The following CADM2 variants were observed in gnomAD, a reference collection of about 807,000 sequenced individuals.
CADM2 encodes cell adhesion molecule 2, also known as immunoglobulin superfamily member 4D.
CADM2 carries 12 observed loss-of-function variants against 49.8 expected under a neutral mutation model. The observed-to-expected ratio is 0.24, with a 90% CI of 0.15 to 0.39. CADM2 has a LOEUF of 0.39. Among genes scored for constraint, CADM2 ranks in the 10% least tolerant of loss-of-function variants. CADM2 has a pLI of 1.00. For missense variants in CADM2, 378 were observed against 492.3 expected (o/e 0.77, Z 2.20); for synonymous variants, 214 against 175.4 (o/e 1.22, Z -1.74).
intron 3 of CADM2, among the ~76,000 whole-genome samples, chr3:85,817,438 C>T (rs565528088): frequency 1.4e-5 from 2 of 141,336 alleles, no homozygotes; most frequent in African/African-American, 5.3e-5. Flanking sequence ...AAACTGCACT[C>T]AGTGAGATTG....
chr3:85,171,621 A>G (rs1412236347), intron 1 of CADM2, among the ~76,000 whole-genome samples: 1 of 152,200 alleles, frequency 6.6e-6, no homozygotes, highest in African/African-American at 2.4e-5. Flanking sequence ...GATCGTGCTC[A>G]GGTTAATTGT....
At chr3:86,064,540 G>T (rs1368811347) in intron 8 of CADM2, among the ~76,000 whole-genome samples, 1 of 152,176 alleles carries the variant, frequency 6.6e-6, no homozygotes, top group Admixed American at 6.6e-5. Context: ...CTTTATAGCA[G>T]CATGATTTAT....
At chr3:84,971,010 CAT>C (rs1307628108) in intron 1 of CADM2, among the ~76,000 whole-genome samples, 1 of 152,020 alleles carries the variant, frequency 6.6e-6, no homozygotes, top group African/African-American at 2.4e-5. Context: ...TTAAATATGA[CAT>C]ATTTTAATTT....
rs528738088 is a variant in CADM2, at chr3:85,109,942, T to C, written c.61+150274T>C. Reference sequence around the variant, plus strand: ...TTTGGCTTGAACTGTATCAAAACGCTTGTCAAAGAAAAAGAAATCTACTTT... The same window carrying C: ...TTTGGCTTGAACTGTATCAAAACGCCTGTCAAAGAAAAAGAAATCTACTTT... On this transcript the variant is annotated intron_variant, in intron 1 of 9. Transcript: ENST00000383699. Among the ~76,000 whole-genome samples the C allele has an allele frequency of 3.3e-5, 5 of 152,048 alleles. No homozygotes were observed. In the East Asian group the frequency reaches 9.7e-4, roughly 29 times the overall value.
intron 1 of CADM2, among the ~76,000 whole-genome samples, chr3:85,616,834 GTTA>G (rs1329585473): frequency 6.6e-6 from 1 of 152,152 alleles, no homozygotes; most frequent in Non-Finnish European, 1.5e-5. Context: ...AGGGGAACCT[GTTA>G]TTCTATTCAT....
chr3:85,192,003 C>G (rs532343528), intron 1 of CADM2, among the ~76,000 whole-genome samples: 3 of 150,962 alleles, frequency 2.0e-5, no homozygotes, highest in East Asian at 2.0e-4. Context: ...CAATCCAACT[C>G]TGTTGGACAA....
intron 8 of CADM2, among the ~76,000 whole-genome samples, chr3:86,029,347 C>G (rs973956508): frequency 1.3e-5 from 2 of 151,976 alleles, no homozygotes; most frequent in African/African-American, 4.8e-5. Context: ...TAATAAGAAT[C>G]TGTCTTAGAC....
intron 1 of CADM2, among the ~76,000 whole-genome samples, chr3:85,228,673 T>C (rs181965606): frequency 1.3e-5 from 2 of 152,164 alleles, no homozygotes; most frequent in East Asian, 3.9e-4. Context: ...CAACTATTGC[T>C]GCCTGATCCT....
intron 2 of CADM2, among the ~76,000 whole-genome samples, chr3:85,735,832 T>C (rs1479634207): frequency 6.6e-6 from 1 of 151,850 alleles, no homozygotes; most frequent in Non-Finnish European, 1.5e-5. Context: ...CACAACAAAA[T>C]AACGACAGCT....
chr3:85,233,731 A>G (rs1386162709), intron 1 of CADM2, among the ~76,000 whole-genome samples: 1 of 152,124 alleles, frequency 6.6e-6, no homozygotes, highest in Non-Finnish European at 1.5e-5. Flanking sequence ...TAAATTCTCA[A>G]TGGTTTAGAA....
At chr3:85,763,484 A>G (rs1478174840) in intron 2 of CADM2, among the ~76,000 whole-genome samples, 1 of 152,190 alleles carries the variant, frequency 6.6e-6, no homozygotes, top group East Asian at 1.9e-4. Flanking sequence ...TGGTTCATTT[A>G]TAGAAGCACA....
At position 84,959,464 on chromosome 3, in the gene CADM2, C is replaced by A; in HGVS notation, c.-144C>A. ...TTCTGCTGCCGCCGATCCGAGTCCG[C>A]GGGTTCGAACACCGCAGCGGTGGGG... On this transcript the variant is annotated 5_prime_UTR_variant, in exon 1 of 10. Transcript: ENST00000383699. 1 of 704,916 alleles carries A rather than the reference C, an allele frequency of 1.4e-6. No homozygotes were observed. The highest frequency in any genetic ancestry group is 1.9e-5 in the South Asian group (1 of 53,846). The allele number at this position is 704,916 out of a possible 1,614,324, so 43.7% of individuals were successfully genotyped here. A position where few individuals can be genotyped will look rare whatever the true frequency, so the allele number is the denominator to read the frequency against.
chr3:85,682,387 T>C (rs1234878958), intron 1 of CADM2, among the ~76,000 whole-genome samples: 6 of 152,088 alleles, frequency 3.9e-5, no homozygotes, highest in Admixed American at 2.0e-4. Flanking sequence ...GGTAATTGTC[T>C]CACAGTTTTA....
chr3:85,711,796 A>T (rs1251315333), intron 1 of CADM2, among the ~76,000 whole-genome samples: 1 of 152,228 alleles, frequency 6.6e-6, no homozygotes, highest in Non-Finnish European at 1.5e-5. Context: ...TTTTAAGATT[A>T]GGTATTTATT....
intron 8 of CADM2, among the ~76,000 whole-genome samples, chr3:85,987,886 T>C (rs1396452184): frequency 6.6e-6 from 1 of 152,116 alleles, no homozygotes; most frequent in Non-Finnish European, 1.5e-5. Flanking sequence ...AAACTGGCTG[T>C]ATCTTTCTTA....
intron 8 of CADM2, among the ~76,000 whole-genome samples, chr3:86,056,869 A>G (rs953277285): frequency 6.6e-6 from 1 of 152,164 alleles, no homozygotes; most frequent in Non-Finnish European, 1.5e-5. Context: ...TATGAGCTTC[A>G]TGGGAAAATA....
chr3:85,663,355 T>A (rs1577043133), intron 1 of CADM2, among the ~76,000 whole-genome samples: 1 of 152,082 alleles, frequency 6.6e-6, no homozygotes, highest in East Asian at 1.9e-4. Flanking sequence ...ATATTCCCAC[T>A]CAGCGCTTTT....
At chr3:85,009,851 G>A (rs907943139) in intron 1 of CADM2, among the ~76,000 whole-genome samples, 1 of 148,930 alleles carries the variant, frequency 6.7e-6, no homozygotes, top group Non-Finnish European at 1.5e-5. Flanking sequence ...GGGCAACAGA[G>A]CAAGATTCTA....
At chr3:85,437,636 G>A (rs151017435) in intron 1 of CADM2, among the ~76,000 whole-genome samples, 269 of 151,842 alleles carry the variant, frequency 1.8e-3, no homozygotes, top group African/African-American at 5.9e-3. Flanking sequence ...CTTATTTGCC[G>A]TCTACATAAC....
Sources: allele counts gnomAD v4.1 joint callset (sites outside exome capture counted in the v4.1 genomes callset), GRCh38; gene constraint gnomAD v4.1.1; transcripts MANE v1.5; gene names NCBI Gene and HGNC (gene_info 2026-07-23, HGNC 2026-07-21).